CAMK2G: variants seen among roughly 807,000 people sequenced by gnomAD.
CAMK2G encodes calcium/calmodulin dependent protein kinase II gamma, also known as calcium/calmodulin-dependent protein kinase type II subunit gamma.
A neutral mutation model predicts 88.7 loss-of-function variants in CAMK2G; 23 were observed. The observed-to-expected ratio is 0.26, with a 90% confidence interval of 0.19 to 0.37. The LOEUF (loss-of-function observed/expected upper bound fraction) is 0.37, where lower values mean the gene tolerates loss of function less well. Among genes scored for constraint, CAMK2G ranks in the 10% least tolerant of loss-of-function variants. The pLI, the probability that CAMK2G is intolerant of heterozygous loss-of-function variation, is 1.00. For missense variants in CAMK2G, 476 were observed against 780.8 expected, an observed-to-expected ratio of 0.61 and a Z score of 4.65; for synonymous variants, 263 against 294.8, an observed-to-expected ratio of 0.89 and a Z score of 1.11.
chr10:73,862,451 G>A (rs1487309065), intron 2 of CAMK2G, among the ~76,000 whole-genome samples: 1 of 152,014 alleles, frequency 6.6e-6, no homozygotes, highest in Non-Finnish European at 1.5e-5. Context: ...GCTTAATAAG[G>A]GTTTACTAAT....
At chr10:73,820,484 A>ATTTTTTT (rs1416596844) in intron 18 of CAMK2G, among the ~76,000 whole-genome samples, 1 of 36,096 alleles carries the variant, frequency 2.8e-5, no homozygotes, top group Non-Finnish European at 5.1e-5. Context: ...ATATATATAT[A>ATTTTTTT]TATATATATT....
At chr10:73,832,230 T>A (rs999071198) in intron 14 of CAMK2G, among the ~76,000 whole-genome samples, 30 of 152,232 alleles carry the variant, frequency 2.0e-4, no homozygotes, top group African/African-American at 7.2e-4. Context: ...GTCCCTTTTT[T>A]ATCCACATAT....
At chr10:73,830,491 ATTTAT>A (rs1231865415) in intron 14 of CAMK2G, among the ~76,000 whole-genome samples, 1 of 152,244 alleles carries the variant, frequency 6.6e-6, no homozygotes, top group Non-Finnish European at 1.5e-5. Flanking sequence ...AAAACTGTAT[ATTTAT>A]TTTAAATTTT....
intron 19 of CAMK2G, among the ~76,000 whole-genome samples, 180 bp downstream of exon 19, chr10:73,819,350 AGG>A (rs1478825912): frequency 1.3e-5 from 2 of 151,964 alleles, no homozygotes; most frequent in Non-Finnish European, 2.9e-5. Flanking sequence ...CCCCAGACTC[AGG>A]GGCCCCTGCC....
chr10:73,862,875 A>T (rs1399660033), intron 2 of CAMK2G, among the ~76,000 whole-genome samples: 1 of 152,186 alleles, frequency 6.6e-6, no homozygotes. Context: ...AGCTTCTGTA[A>T]ATCTTCCCAC....
chr10:73,818,660 G>T, intron 19 of CAMK2G: 1 of 454,282 alleles, frequency 2.2e-6, no homozygotes, highest in South Asian at 1.6e-5. Flanking sequence ...GCCCCGCTAG[G>T]CCACAGCTCC....
chr10:73,858,534 C>G lies in CAMK2G; in HGVS notation c.220+2296G>C, dbSNP rs149080511. 5.9e-3 allele frequency among the ~76,000 whole-genome samples: 900 copies of G among 152,336 alleles called. 11 individuals are homozygous for G. Among genetic ancestry groups the G allele is most frequent in the African/African-American group, 0.021 (856 of 41,574 alleles). ...CTCCCAGGACACAGTCTTGACTCCC[C>G]CTTCCCTCTGCCCACCCTCAACCCC... On this transcript the variant is annotated intron_variant, in intron 3 of 22. Coordinates refer to ENST00000423381, the MANE Select transcript of CAMK2G (RefSeq NM_001367534.1).
chr10:73,838,786 C>T (rs1406580748), intron 13 of CAMK2G, among the ~76,000 whole-genome samples: 2 of 152,164 alleles, frequency 1.3e-5, no homozygotes, highest in Non-Finnish European at 2.9e-5. Flanking sequence ...ACGCTGGTTG[C>T]CCACTAGGAT....
At chr10:73,838,457 CA>C (rs1397733413) in intron 13 of CAMK2G, among the ~76,000 whole-genome samples, 1 of 152,194 alleles carries the variant, frequency 6.6e-6, no homozygotes, top group African/African-American at 2.4e-5. Flanking sequence ...CATCACAAAA[CA>C]GTGGTGGGAA....
chr10:73,853,093 T>C (rs1590952581), intron 4 of CAMK2G, 99 bp downstream of exon 4: 2 of 1,124,422 alleles, frequency 1.8e-6, no homozygotes, highest in Non-Finnish European at 1.3e-6. Flanking sequence ...GAGGGGGCCC[T>C]GGGCGGAGGC....
intron 21 of CAMK2G, chr10:73,816,271 A>C (rs2085458984): frequency 1.0e-6 from 1 of 990,440 alleles, no homozygotes; most frequent in East Asian, 1.1e-4. Flanking sequence ...AGTCAGGAAG[A>C]TTCTAGCCAC....
At chr10:73,821,770 C>G in intron 17 of CAMK2G, 40 bp from the exon 18 acceptor site, 1 of 1,546,920 alleles carries the variant, frequency 6.5e-7, no homozygotes, top group Non-Finnish European at 8.9e-7. Context: ...TGCTCCATCC[C>G]TTGGAAGCCA....
Position 73,859,052 on chromosome 10 carries a change from G to A in CAMK2G, c.220+1778C>T, listed in dbSNP as rs78632852. 8.5e-5 allele frequency among the ~76,000 whole-genome samples: 13 copies of A among 152,354 alleles called. No homozygotes were observed. The East Asian group carries it at 2.3e-3, about 27-fold the overall frequency. ...CACTGCTGTACCAGTTGGTCACAAGGAGCATAAAGGAAAGGAAGTTACCCT... is the reference window on the plus strand; with the variant it reads ...CACTGCTGTACCAGTTGGTCACAAGAAGCATAAAGGAAAGGAAGTTACCCT... On this transcript the variant is annotated intron_variant, in intron 3 of 22. Transcript: ENST00000423381.
intron 12 of CAMK2G, among the ~76,000 whole-genome samples, chr10:73,840,893 T>C (rs12572101): frequency 0.18 from 27,078 of 152,212 alleles, 2,511 homozygotes; most frequent in South Asian, 0.23. Flanking sequence ...AAGAAGCAAG[T>C]GTGGGACTAC....
In CAMK2G at chr10:73,842,357, A is replaced by G; in HGVS notation, c.903+101T>C. 1 of 1,165,746 alleles carries G rather than the reference A, an allele frequency of 8.6e-7. No individual in the cohort carries two copies. Among genetic ancestry groups the G allele is most frequent in the Non-Finnish European group, 1.3e-6 (1 of 772,664 alleles). The allele number at this position is 1,165,746 out of a possible 1,614,324, so 72.2% of individuals were successfully genotyped here. On this transcript the variant is annotated intron_variant, in intron 11 of 22. Transcript: ENST00000423381. The surrounding 1 kb of genome is among the most constrained non-coding windows in gnomAD (Gnocchi z 4.6). ...GTGACATGTACAACCTTCAGAGCCC[A>G]GCTCCAGCCAGGAGGGGAGCTTCCT...
chr10:73,823,554 C>T (rs768550021), intron 17 of CAMK2G, among the ~76,000 whole-genome samples: 5 of 152,086 alleles, frequency 3.3e-5, no homozygotes, highest in Non-Finnish European at 5.9e-5. Flanking sequence ...TATCTGCCTC[C>T]CATCCCACCC....
intron 14 of CAMK2G, among the ~76,000 whole-genome samples, chr10:73,834,080 G>A (rs1295303099): frequency 3.3e-5 from 5 of 151,204 alleles, no homozygotes; most frequent in South Asian, 2.1e-4. Context: ...CACCACGCCC[G>A]GCTAATTTTT....
chr10:73,846,983 C>T (rs2094294788), intron 10 of CAMK2G: 1 of 493,256 alleles, frequency 2.0e-6, no homozygotes, highest in Non-Finnish European at 3.7e-6. Context: ...AGAACAGAAC[C>T]AATCCCAGCC....
chr10:73,844,381 G>A (rs200525270), intron 10 of CAMK2G, among the ~76,000 whole-genome samples: 5 of 147,484 alleles, frequency 3.4e-5, no homozygotes, highest in African/African-American at 1.3e-4. Context: ...GTGAGCCACC[G>A]CTCCTGACCA....
Sources: allele counts gnomAD v4.1 joint callset (sites outside exome capture counted in the v4.1 genomes callset), GRCh38; gene constraint gnomAD v4.1.1; non-coding constraint Gnocchi (gnomAD v3.1); transcripts MANE v1.5; gene names NCBI Gene and HGNC (gene_info 2026-07-23, HGNC 2026-07-21).